Variants in EMILIN2 observed in about 807,000 individuals in gnomAD.
EMILIN2 encodes the protein elastin microfibril interfacer 2.
EMILIN2 carries 71 observed loss-of-function variants against 87.1 expected under a neutral mutation model. That is an observed-to-expected ratio of 0.82 (90% CI 0.67 to 0.99). The LOEUF is 0.99. EMILIN2 is among the 50% of genes least tolerant of loss of function. The pLI, the probability that EMILIN2 is intolerant of heterozygous loss-of-function variation, is 0.00. For missense variants in EMILIN2, 1,407 were observed against 1,371.8 expected (o/e 1.03, Z -0.40); for synonymous variants, 581 against 563.4 (o/e 1.03, Z -0.44).
chr18:2,891,610 C>T lies in EMILIN2; in HGVS notation c.1483C>T (p.Gln495Ter). Residue 495 changes from glutamine to a stop codon, truncating the protein, a stop_gained, in exon 4 of 8, where the codon CAG (glutamine) becomes TAG (stop). Transcript: ENST00000254528. LOFTEE classifies it high-confidence loss of function. This position sits in a 1 kb window ranked among gnomAD's most constrained non-coding sequence, Gnocchi z 4.6. ...GAAGCAGCTTGTTGATCAGAAAATA[C>T]AGTCTCTGGAAGACCGTCTGGGGAG... ...DLKQLVDQKI[Q>*]SLEDRLGSVL... 1.2e-6 allele frequency: 2 copies of T among 1,614,034 alleles called. No individual in the cohort carries two copies. Among genetic ancestry groups the T allele is most frequent in the Non-Finnish European group, 1.7e-6 (2 of 1,180,028 alleles).
At chr18:2,879,916 C>G (rs1162139816) in intron 2 of EMILIN2, among the ~76,000 whole-genome samples, 2 of 152,070 alleles carry the variant, frequency 1.3e-5, no homozygotes, top group Admixed American at 6.6e-5. Context: ...CTATGTTGCC[C>G]AGGCTGTTCT....
chr18:2,853,940 C>T (rs1485872944), intron 2 of EMILIN2, among the ~76,000 whole-genome samples: 1 of 152,172 alleles, frequency 6.6e-6, no homozygotes, highest in African/African-American at 2.4e-5. Flanking sequence ...ATTGGACTGG[C>T]GTTGTTTTCT....
chr18:2,908,727 G>A (rs1453908627), intron 5 of EMILIN2, among the ~76,000 whole-genome samples: 3 of 152,126 alleles, frequency 2.0e-5, no homozygotes, highest in Non-Finnish European at 4.4e-5. Flanking sequence ...TCCCCGCCAG[G>A]GATAAATGGG....
Position 2,890,423 on chromosome 18 carries a change from C to T in EMILIN2, c.434-138C>T, listed in dbSNP as rs1019349829. 4.0e-6 allele frequency: 4 copies of T among 998,816 alleles called. No homozygotes were observed. Among genetic ancestry groups the T allele is most frequent in the South Asian group, 3.8e-5 (2 of 51,952 alleles). The allele number at this position is 998,816 out of a possible 1,614,324, so 61.9% of individuals were successfully genotyped here. A position where few individuals can be genotyped will look rare whatever the true frequency, so the allele number is the denominator to read the frequency against. Reference sequence around the variant, plus strand: ...GCCCATACTCTTTTCTACTGTACCACAGTACTTACCTACAATTGTGTAGTG... The same window carrying T: ...GCCCATACTCTTTTCTACTGTACCATAGTACTTACCTACAATTGTGTAGTG... On this transcript the variant is annotated intron_variant, in intron 3 of 7. Transcript: ENST00000254528. The surrounding 1 kb of genome is among the most constrained non-coding windows in gnomAD (Gnocchi z 4.7).
At chr18:2,875,027 A>G (rs947063029) in intron 2 of EMILIN2, among the ~76,000 whole-genome samples, 7 of 152,234 alleles carry the variant, frequency 4.6e-5, no homozygotes, top group African/African-American at 7.2e-5. Context: ...GGGCAGCTAC[A>G]TGCTGAAGTG....
chr18:2,877,584 C>T (rs548170652), intron 2 of EMILIN2, among the ~76,000 whole-genome samples: 2 of 151,848 alleles, frequency 1.3e-5, no homozygotes, highest in East Asian at 3.9e-4. Flanking sequence ...TGAGACCAGC[C>T]TGACCAACAT....
chr18:2,867,810 C>T (rs1488873468), intron 2 of EMILIN2, among the ~76,000 whole-genome samples: 4 of 152,248 alleles, frequency 2.6e-5, no homozygotes, highest in Non-Finnish European at 4.4e-5. Context: ...TTTCCCTCCT[C>T]TCTATTCCAC....
intron 4 of EMILIN2, among the ~76,000 whole-genome samples, chr18:2,895,626 C>T (rs1476743713): frequency 2.0e-5 from 3 of 152,144 alleles, no homozygotes; most frequent in East Asian, 1.9e-4. Flanking sequence ...TCTGGTGCCT[C>T]GGTGCTCCTC....
Position 2,847,670 on chromosome 18 carries a change from C to A in EMILIN2, c.135-139C>A. On this transcript the variant is annotated intron_variant, in intron 1 of 7. Transcript: ENST00000254528. The surrounding 1 kb of genome is among the most constrained non-coding windows in gnomAD (Gnocchi z 4.5). ...ACCCGGGCACCCTCCGGCGTCTGCT[C>A]GGTGAAGCTCCCGCCTCCGCAGAGG... 1.5e-6 allele frequency: 2 copies of A among 1,362,028 alleles called. No homozygotes were observed. The highest frequency in any genetic ancestry group is 1.9e-6 in the Non-Finnish European group (2 of 1,034,058). 84.4% of individuals were successfully genotyped at this position (1,362,028 alleles called of 1,614,324 possible).
chr18:2,847,151 C>T lies in EMILIN2; in HGVS notation c.-38C>T. On this transcript the variant is annotated 5_prime_UTR_variant, in exon 1 of 8. Transcript: ENST00000254528. The surrounding 1 kb of genome is among the most constrained non-coding windows in gnomAD (Gnocchi z 4.5). ...GCCGGTGCCCCGATCCGCCGCGCTC[C>T]GGACCCGGGCAGGCGGGGCGCGCCC... The T allele has an allele frequency of 7.5e-6, 8 of 1,064,616 alleles. No homozygotes were observed. The South Asian group carries it at 1.5e-4, about 20-fold the overall frequency. 65.9% of individuals were successfully genotyped at this position (1,064,616 alleles called of 1,614,324 possible).
rs1345837645 is a variant in EMILIN2, at chr18:2,890,230, A to T, written c.434-331A>T. ...AATATTTCCCCTCAGGGTGAAAGAGACCATTGATTATCTAATAGGTGTCAT... is the reference window on the plus strand; with the variant it reads ...AATATTTCCCCTCAGGGTGAAAGAGTCCATTGATTATCTAATAGGTGTCAT... On this transcript the variant is annotated intron_variant, in intron 3 of 7. Transcript: ENST00000254528. The surrounding 1 kb of genome is among the most constrained non-coding windows in gnomAD (Gnocchi z 4.7). Among the ~76,000 whole-genome samples, 5 of 152,194 alleles carry T rather than the reference A, an allele frequency of 3.3e-5. No homozygotes were observed. Among genetic ancestry groups the T allele is most frequent in the African/African-American group, 1.2e-4 (5 of 41,446 alleles).
At chr18:2,873,176 C>A (rs936961880) in intron 2 of EMILIN2, among the ~76,000 whole-genome samples, 1 of 152,024 alleles carries the variant, frequency 6.6e-6, no homozygotes, top group Non-Finnish European at 1.5e-5. Flanking sequence ...TTTGGGAGGC[C>A]GAGGCAGGTG....
At chr18:2,874,466 C>A (rs1385634174) in intron 2 of EMILIN2, among the ~76,000 whole-genome samples, 1 of 152,058 alleles carries the variant, frequency 6.6e-6, no homozygotes, top group African/African-American at 2.4e-5. Context: ...TGCATCAGTT[C>A]TTCTCTTTAT....
chr18:2,914,565 G>A lies in EMILIN2; in HGVS notation c.*1161G>A, dbSNP rs1294985718. 2 of 152,156 alleles carry A rather than the reference G, an allele frequency of 1.3e-5. No individual in the cohort carries two copies. The highest frequency in any genetic ancestry group is 2.9e-5 in the Non-Finnish European group (2 of 68,030). The allele number at this position is 152,156 out of a possible 1,614,324, so 9.4% of individuals were successfully genotyped here. On this transcript the variant is annotated 3_prime_UTR_variant, in exon 8 of 8. Coordinates refer to ENST00000254528, the MANE Select transcript of EMILIN2 (RefSeq NM_032048.3). ...GTATCAATCTGTCACCAGTGGCCACGGAGACCTCTCAGCACCCTTAGTTCA... is the reference window on the plus strand; with the variant it reads ...GTATCAATCTGTCACCAGTGGCCACAGAGACCTCTCAGCACCCTTAGTTCA...
chr18:2,855,551 C>T (rs1568451744), intron 2 of EMILIN2, among the ~76,000 whole-genome samples: 1 of 152,134 alleles, frequency 6.6e-6, no homozygotes, highest in Admixed American at 6.5e-5. Context: ...CACGGTGGCA[C>T]GTGGTATTTG....
intron 3 of EMILIN2, among the ~76,000 whole-genome samples, chr18:2,888,827 A>G (rs867934740): frequency 6.6e-6 from 1 of 152,080 alleles, no homozygotes; most frequent in Non-Finnish European, 1.5e-5. Flanking sequence ...GGATATCTGA[A>G]TTTCAGATTT....
At chr18:2,878,144 GT>G (rs35635025) in intron 2 of EMILIN2, among the ~76,000 whole-genome samples, 151,399 of 152,304 alleles carry the variant, frequency 0.99, 75,260 homozygotes, top group Middle Eastern at 1. Context: ...ACATAACAAC[GT>G]TAAGTGTGCT....
At chr18:2,856,194 G>A (rs747729747) in intron 2 of EMILIN2, among the ~76,000 whole-genome samples, 1 of 152,054 alleles carries the variant, frequency 6.6e-6, no homozygotes, top group Non-Finnish European at 1.5e-5. Flanking sequence ...GGGCAACATA[G>A]TGAGACCCCC....
intron 2 of EMILIN2, among the ~76,000 whole-genome samples, chr18:2,849,892 G>A (rs2076593805): frequency 6.6e-6 from 1 of 151,700 alleles, no homozygotes; most frequent in South Asian, 2.1e-4. Flanking sequence ...TTCAACTGAG[G>A]AATGCTTCCT....
Sources: allele counts gnomAD v4.1 joint callset (sites outside exome capture counted in the v4.1 genomes callset), GRCh38; gene constraint gnomAD v4.1.1; non-coding constraint Gnocchi (gnomAD v3.1); transcripts MANE v1.5; gene names NCBI Gene and HGNC (gene_info 2026-07-23, HGNC 2026-07-21).